UBE2J2: variants seen among roughly 807,000 people sequenced by gnomAD.
UBE2J2 encodes the protein ubiquitin conjugating enzyme E2 J2.
In UBE2J2, 5 loss-of-function variants were observed where a neutral mutation model predicts 28.6. The ratio of observed to expected loss-of-function variants is 0.17; its 90% confidence interval spans 0.09 to 0.37. The LOEUF (loss-of-function observed/expected upper bound fraction) is 0.37, where lower values mean the gene tolerates loss of function less well. Among genes scored for constraint, UBE2J2 ranks in the 10% least tolerant of loss-of-function variants. The probability of loss-of-function intolerance (pLI) is 1.00; values close to 1 mark genes in which losing one functional copy is unlikely to be tolerated. For missense variants in UBE2J2, 226 were observed against 338.9 expected (o/e 0.67, Z 2.62); for synonymous variants, 138 against 139.7 (o/e 0.99, Z 0.09).
chr1:1,260,490 G>A (rs964260003), intron 3 of UBE2J2, among the ~76,000 whole-genome samples: 4 of 151,958 alleles, frequency 2.6e-5, no homozygotes, highest in Admixed American at 6.6e-5. Context: ...CTCACTGCGC[G>A]CACACCTATC....
At chr1:1,257,422 C>G in intron 3 of UBE2J2, 112 bp from the exon 4 acceptor site, 2 of 640,264 alleles carry the variant, frequency 3.1e-6, no homozygotes, top group Non-Finnish European at 5.2e-6. Flanking sequence ...GCTCGGCTCC[C>G]GAGTCCTCAT....
At chr1:1,267,334 G>A (rs985914411) in intron 2 of UBE2J2, among the ~76,000 whole-genome samples, 10 of 152,202 alleles carry the variant, frequency 6.6e-5, no homozygotes, top group African/African-American at 2.2e-4. Context: ...TCCTCTCGTT[G>A]TCAGCCTGAG....
At chr1:1,263,178 C>G in intron 3 of UBE2J2, 168 bp downstream of exon 3, 1 of 671,124 alleles carries the variant, frequency 1.5e-6, no homozygotes, top group Non-Finnish European at 2.7e-6. Context: ...GCAAACACTT[C>G]CAGCGTGTGG....
At chr1:1,272,264 G>T (rs187823137) in intron 1 of UBE2J2, among the ~76,000 whole-genome samples, 1 of 152,314 alleles carries the variant, frequency 6.6e-6, no homozygotes, top group Non-Finnish European at 1.5e-5. Flanking sequence ...ATATCATCCT[G>T]CTGAGAGAAA....
In UBE2J2 at chr1:1,268,014, C is replaced by G; in HGVS notation, c.1-22G>C. On this transcript the variant is annotated intron_variant, in intron 1 of 6. Transcript: ENST00000349431. The surrounding 1 kb of genome is among the most constrained non-coding windows in gnomAD (Gnocchi z 4.7). ...TCATCTGTTAAAAGCAACGTCTACA[C>G]TGACGACGAGAAGCAGCGCCGGCCA... The G allele has an allele frequency of 1.2e-6, 2 of 1,611,248 alleles. No individual in the cohort carries two copies. The highest frequency in any genetic ancestry group is 1.7e-6 in the Non-Finnish European group (2 of 1,177,832).
chr1:1,268,034 C>T lies in UBE2J2; in HGVS notation c.1-42G>A, dbSNP rs898109624. 8.1e-6 allele frequency: 13 copies of T among 1,606,154 alleles called. No individual in the cohort carries two copies. In the Admixed American group the frequency reaches 8.4e-5, roughly 10 times the overall value. On this transcript the variant is annotated intron_variant, in intron 1 of 6. Coordinates refer to ENST00000349431, the MANE Select transcript of UBE2J2 (RefSeq NM_058167.3). The surrounding 1 kb of genome is among the most constrained non-coding windows in gnomAD (Gnocchi z 4.7). ...CTACACTGACGACGAGAAGCAGCGC[C>T]GGCCACAGCTCTCTCCCCTGGCGCA...
chr1:1,266,209 G>T, intron 2 of UBE2J2: 1 of 1,266,662 alleles, frequency 7.9e-7, no homozygotes, highest in Non-Finnish European at 1.0e-6. Flanking sequence ...GCCTGGGCTG[G>T]GCCTCCTCTG....
At chr1:1,265,257 G>A (rs1025819339) in intron 2 of UBE2J2, among the ~76,000 whole-genome samples, 9 of 152,188 alleles carry the variant, frequency 5.9e-5, no homozygotes, top group Admixed American at 4.6e-4. Flanking sequence ...ACCTGCCGAG[G>A]ACCTGCCAGG....
intron 3 of UBE2J2, among the ~76,000 whole-genome samples, chr1:1,260,295 C>T (rs1639480490): frequency 1.3e-5 from 2 of 152,224 alleles, no homozygotes; most frequent in East Asian, 3.8e-4. Context: ...AACAGGCTTG[C>T]TTAAAAGAGG....
chr1:1,271,328 G>A (rs1022170465), intron 1 of UBE2J2, among the ~76,000 whole-genome samples: 27 of 152,354 alleles, frequency 1.8e-4, no homozygotes, highest in African/African-American at 5.8e-4. Context: ...CTGTCCTTTC[G>A]ACACTCACCC....
intron 1 of UBE2J2, among the ~76,000 whole-genome samples, chr1:1,269,020 TTC>T (rs915952267): frequency 2.2e-4 from 33 of 152,204 alleles, no homozygotes; most frequent in African/African-American, 7.7e-4. Context: ...AGATCATATC[TTC>T]TGTTAGGAAA....
At chr1:1,273,082 G>A (rs965698933) in intron 1 of UBE2J2, 5 of 152,324 alleles carry the variant, frequency 3.3e-5, no homozygotes, top group African/African-American at 1.2e-4. Flanking sequence ...GACGCCAGGA[G>A]GTGACACCTG....
chr1:1,272,399 G>C (rs972609447), intron 1 of UBE2J2, among the ~76,000 whole-genome samples: 2 of 152,220 alleles, frequency 1.3e-5, no homozygotes, highest in Non-Finnish European at 2.9e-5. Flanking sequence ...GCTGCCCAGC[G>C]TCCCTCACCC....
rs755105629 is a variant in UBE2J2, at chr1:1,267,910, G to C, written c.83C>G (p.Pro28Arg). 1 of 1,614,082 alleles carries C rather than the reference G, an allele frequency of 6.2e-7. No homozygotes were observed. The highest frequency in any genetic ancestry group is 1.7e-5 in the Admixed American group (1 of 60,026). ...GGGCTCGGCACAGATGTAAGGCACC[G>C]GGTCTTTCTTAATGCGAAGGTAGTC... The part of the protein sequence containing the change: ...KQDYLRIKKD[P>R]VPYICAEPLP... Residue 28 changes from proline to arginine, a missense_variant, in exon 2 of 7, where the codon CCG becomes CGG. Physicochemically the swap from Pro to Arg is moderately radical, Grantham distance 103 (BLOSUM62 -2). Around this residue, in one of 3 missense-constraint regions of UBE2J2, gnomAD observed 80 missense variants for 114.5 expected, o/e 0.70. Transcript: ENST00000349431.
chr1:1,267,829 CA>C lies in UBE2J2; in HGVS notation c.131+32del, dbSNP rs1387065314. The C allele has an allele frequency of 1.3e-5, 21 of 1,604,648 alleles. No individual in the cohort carries two copies. In the Middle Eastern group the frequency reaches 5.0e-4, roughly 38 times the overall value. On this transcript the variant is annotated intron_variant, in intron 2 of 6. Transcript: ENST00000349431. ...CAGAGGCCTGCGTGGCAGCGACAGT[CA>C]GCGCAGGGCGATCAGTGGCGCGGAG...
At chr1:1,265,183 G>A (rs1016467810) in intron 2 of UBE2J2, among the ~76,000 whole-genome samples, 3 of 152,114 alleles carry the variant, frequency 2.0e-5, no homozygotes, top group African/African-American at 7.2e-5. Flanking sequence ...GGATCCACGT[G>A]GCCCATAGCG....
In UBE2J2 at chr1:1,268,193, C is replaced by T. The variant is rs185255137; in HGVS notation, c.1-201G>A. Among the ~76,000 whole-genome samples, 1,032 of 152,208 alleles carry T rather than the reference C, an allele frequency of 6.8e-3. 9 individuals are homozygous for T. The highest frequency in any genetic ancestry group is 8.3e-3 in the Non-Finnish European group (563 of 68,022). On this transcript the variant is annotated intron_variant, in intron 1 of 6. Coordinates refer to ENST00000349431, the MANE Select transcript of UBE2J2 (RefSeq NM_058167.3). This position sits in a 1 kb window ranked among gnomAD's most constrained non-coding sequence, Gnocchi z 4.7. ...GCGGCTTCTCTCTTCCCGTCTGTCC[C>T]GCCACCACCTTCATTGACACGACGT...
At chr1:1,262,138 T>A in intron 3 of UBE2J2, 1 of 333,058 alleles carries the variant, frequency 3.0e-6, no homozygotes, top group Non-Finnish European at 6.0e-6. Flanking sequence ...ATTACAGGCG[T>A]GAGCCACCGC....
chr1:1,255,592 C>A, intron 6 of UBE2J2, 105 bp from the exon 7 acceptor site: 6 of 1,371,348 alleles, frequency 4.4e-6, no homozygotes, highest in Non-Finnish European at 5.9e-6. Flanking sequence ...GAACCAAGCC[C>A]TAGGCTGTGT....
Sources: allele counts gnomAD v4.1 joint callset (sites outside exome capture counted in the v4.1 genomes callset), GRCh38; gene constraint gnomAD v4.1.1; regional missense constraint gnomAD v4.1.1; non-coding constraint Gnocchi (gnomAD v3.1); transcripts MANE v1.5; gene names NCBI Gene and HGNC (gene_info 2026-07-23, HGNC 2026-07-21).